The following PTPRK variants were observed in gnomAD, a reference collection of about 807,000 sequenced individuals.
PTPRK encodes receptor-type tyrosine-protein phosphatase kappa.
Under a neutral mutation model 178.0 loss-of-function variants are expected in PTPRK, and 75 were observed. The observed-to-expected ratio is 0.42, with a 90% CI of 0.35 to 0.51. PTPRK has a LOEUF of 0.51. Among genes scored for constraint, PTPRK ranks in the 20% least tolerant of loss-of-function variants. The probability of loss-of-function intolerance (pLI) is 0.02; values close to 1 mark genes in which losing one functional copy is unlikely to be tolerated. For missense variants in PTPRK, 1,441 were observed against 1,797.8 expected, an observed-to-expected ratio of 0.80 and a Z score of 3.59; for synonymous variants, 637 against 620.6, an observed-to-expected ratio of 1.03 and a Z score of -0.39.
At chr6:128,036,886 CA>C (rs906822627) in intron 13 of PTPRK, among the ~76,000 whole-genome samples, 4 of 152,082 alleles carry the variant, frequency 2.6e-5, no homozygotes, top group African/African-American at 9.7e-5. Context: ...CATGCACCAC[CA>C]TGCCCAGCTA....
chr6:128,124,368 A>C (rs1211206194), intron 7 of PTPRK, among the ~76,000 whole-genome samples: 1 of 152,098 alleles, frequency 6.6e-6, no homozygotes. Context: ...ATTCTTAATC[A>C]CACCTGTCCT....
At chr6:128,405,531 A>G (rs943207735) in intron 1 of PTPRK, among the ~76,000 whole-genome samples, 6 of 152,188 alleles carry the variant, frequency 3.9e-5, no homozygotes, top group African/African-American at 1.4e-4. Context: ...CAGAGAGTAA[A>G]TGTACTGAAA....
chr6:128,321,987 T>C (rs1012968494), intron 3 of PTPRK, 52 bp downstream of exon 3: 2 of 1,608,046 alleles, frequency 1.2e-6, no homozygotes, highest in Admixed American at 1.7e-5. Context: ...ATTACACATA[T>C]AGTGAGAACT....
At chr6:128,045,223 A>G (rs1410732407) in intron 13 of PTPRK, among the ~76,000 whole-genome samples, 1 of 151,944 alleles carries the variant, frequency 6.6e-6, no homozygotes, top group Non-Finnish European at 1.5e-5. Context: ...TTTTTGAGGT[A>G]TTTTACCTAG....
chr6:128,466,770 A>T (rs534910707), intron 1 of PTPRK, among the ~76,000 whole-genome samples: 3 of 152,346 alleles, frequency 2.0e-5, no homozygotes, highest in African/African-American at 7.2e-5. Context: ...GTATGCTTCA[A>T]AGAAATGCAC....
chr6:128,061,869 T>C (rs940607910), intron 13 of PTPRK, among the ~76,000 whole-genome samples: 23 of 152,202 alleles, frequency 1.5e-4, no homozygotes, highest in Non-Finnish European at 2.5e-4. Context: ...TGGGAAATAC[T>C]TTACCTATCT....
chr6:128,079,274 G>A (rs570841837), intron 10 of PTPRK, among the ~76,000 whole-genome samples: 1 of 152,150 alleles, frequency 6.6e-6, no homozygotes, highest in Non-Finnish European at 1.5e-5. Flanking sequence ...AGTGCTTATG[G>A]AGTCACATAT....
chr6:128,197,308 G>A (rs1453913283), intron 6 of PTPRK, among the ~76,000 whole-genome samples: 4 of 150,098 alleles, frequency 2.7e-5, no homozygotes. Flanking sequence ...CCTGTCATCT[G>A]GGTTTTAAGC....
At chr6:128,054,963 G>A (rs1005513140) in intron 13 of PTPRK, among the ~76,000 whole-genome samples, 2 of 152,016 alleles carry the variant, frequency 1.3e-5, no homozygotes, top group African/African-American at 4.8e-5. Flanking sequence ...AGGCTGTGGT[G>A]GTGACTGTAT....
At chr6:128,149,110 T>A (rs544291255) in intron 7 of PTPRK, among the ~76,000 whole-genome samples, 1 of 137,002 alleles carries the variant, frequency 7.3e-6, no homozygotes, top group South Asian at 2.3e-4. Context: ...AATAAGAAAA[T>A]CTTTACGGAA....
In PTPRK at chr6:127,981,745, C is replaced by A. The variant is rs116449513; in HGVS notation, c.3538-456G>T. 7.8e-3 allele frequency among the ~76,000 whole-genome samples: 1,190 copies of A among 152,258 alleles called. 19 individuals carry two copies. Among genetic ancestry groups the A allele is most frequent in the African/African-American group, 0.027 (1,130 of 41,536 alleles). On this transcript the variant is annotated intron_variant, in intron 24 of 29. Coordinates refer to ENST00000368226, the MANE Select transcript of PTPRK (RefSeq NM_002844.4). Reference sequence around the variant, plus strand: ...CTGCCCTTGATTTTATTTTCACCCACCTTCAGGGGTGTTTTAAGGGCAGTG... The same window carrying A: ...CTGCCCTTGATTTTATTTTCACCCAACTTCAGGGGTGTTTTAAGGGCAGTG...
intron 6 of PTPRK, among the ~76,000 whole-genome samples, chr6:128,204,990 T>C (rs1185697407): frequency 3.3e-5 from 5 of 152,218 alleles, no homozygotes; most frequent in East Asian, 1.9e-4. Flanking sequence ...CTATTCGCAA[T>C]AGCAAAGACA....
At chr6:128,472,328 G>A (rs1850789354) in intron 1 of PTPRK, among the ~76,000 whole-genome samples, 1 of 151,988 alleles carries the variant, frequency 6.6e-6, no homozygotes, top group African/African-American at 2.4e-5. Flanking sequence ...GCTACATGCG[G>A]CAAGTGGGTG....
At chr6:128,157,392 C>T (rs1324184787) in intron 7 of PTPRK, among the ~76,000 whole-genome samples, 4 of 151,854 alleles carry the variant, frequency 2.6e-5, no homozygotes, top group Non-Finnish European at 5.9e-5. Flanking sequence ...ATATTTATAT[C>T]AGTATTATGA....
chr6:128,248,924 T>C (rs1815971141), intron 3 of PTPRK, among the ~76,000 whole-genome samples: 1 of 152,200 alleles, frequency 6.6e-6, no homozygotes. Context: ...TATTTGTGTA[T>C]ACACATGAAA....
chr6:127,991,455 G>C (rs1465961946), intron 19 of PTPRK, 64 bp from the exon 20 acceptor site: 10 of 1,273,566 alleles, frequency 7.9e-6, no homozygotes, highest in Middle Eastern at 1.9e-4. Flanking sequence ...AAGAAGTTTA[G>C]CTAAGATAAG....
At chr6:128,174,147 C>A (rs1041669351) in intron 7 of PTPRK, among the ~76,000 whole-genome samples, 2 of 151,904 alleles carry the variant, frequency 1.3e-5, no homozygotes, top group Admixed American at 6.6e-5. Context: ...GGAAAAATAT[C>A]TTTAATGAAA....
intron 3 of PTPRK, among the ~76,000 whole-genome samples, chr6:128,298,570 C>T (rs1251369573): frequency 6.6e-6 from 1 of 152,082 alleles, no homozygotes; most frequent in Admixed American, 6.5e-5. Context: ...TCAATATACA[C>T]AAATCAATAA....
At chr6:128,454,132 C>T (rs1848120049) in intron 1 of PTPRK, among the ~76,000 whole-genome samples, 1 of 152,112 alleles carries the variant, frequency 6.6e-6, no homozygotes, top group African/African-American at 2.4e-5. Context: ...CCCCTTCAGC[C>T]AAGTGAGGAC....
Sources: gnomAD v4.1 joint callset for allele counts (sites outside exome capture counted in the v4.1 genomes callset) on GRCh38, gnomAD v4.1.1 for gene constraint, MANE v1.5 for transcripts, NCBI Gene and HGNC (gene_info 2026-07-23, HGNC 2026-07-21) for gene names.